The following FRMD4B variants were observed in gnomAD, a reference collection of about 807,000 sequenced individuals.
The protein encoded by FRMD4B is FERM domain-containing protein 4B.
FRMD4B carries 74 observed loss-of-function variants against 141.5 expected under a neutral mutation model. The observed-to-expected ratio is 0.52, with a 90% CI of 0.43 to 0.63. The LOEUF (loss-of-function observed/expected upper bound fraction) is 0.63. Among genes scored for constraint, FRMD4B ranks in the 30% least tolerant of loss-of-function variants. FRMD4B has a pLI of 0.00. For missense variants in FRMD4B, 1,366 were observed against 1,253.4 expected, an observed-to-expected ratio of 1.09 and a Z score of -1.36; for synonymous variants, 506 against 467.9, an observed-to-expected ratio of 1.08 and a Z score of -1.05.
chr3:69,297,685 T>C (rs1281540571), intron 4 of FRMD4B, among the ~76,000 whole-genome samples: 3 of 152,126 alleles, frequency 2.0e-5, no homozygotes, highest in Non-Finnish European at 4.4e-5. Flanking sequence ...GCCTTTCAAA[T>C]GTTCACATCT....
At chr3:69,312,788 T>C (rs1309816210) in intron 2 of FRMD4B, among the ~76,000 whole-genome samples, 1 of 152,020 alleles carries the variant, frequency 6.6e-6, no homozygotes, top group African/African-American at 2.4e-5. Context: ...ACTCAAGAGG[T>C]TGAGTCAGGA....
At chr3:69,436,058 C>A (rs137955187) in intron 1 of FRMD4B, among the ~76,000 whole-genome samples, 2 of 152,202 alleles carry the variant, frequency 1.3e-5, no homozygotes, top group East Asian at 3.9e-4. Context: ...ATTCAGTTAC[C>A]ACCTCCTACT....
At chr3:69,371,581 G>A (rs1484275519) in intron 1 of FRMD4B, among the ~76,000 whole-genome samples, 3 of 152,202 alleles carry the variant, frequency 2.0e-5, no homozygotes, top group Admixed American at 6.5e-5. Flanking sequence ...CAGTTAGGAA[G>A]CTATTGCAAC....
At chr3:69,249,329 C>T in intron 6 of FRMD4B, 81 bp from the exon 7 acceptor site, 2 of 917,414 alleles carry the variant, frequency 2.2e-6, no homozygotes, top group East Asian at 5.3e-5. Context: ...TTACTTTCCC[C>T]TCTTAAAGTT....
At chr3:69,354,247 T>C (rs1440864914) in intron 1 of FRMD4B, among the ~76,000 whole-genome samples, 1 of 152,146 alleles carries the variant, frequency 6.6e-6, no homozygotes, top group Non-Finnish European at 1.5e-5. Flanking sequence ...ATCATTACTA[T>C]TGAAGTCATT....
At position 69,421,004 on chromosome 3, in the gene FRMD4B, C is replaced by T. The variant is rs564667459; in HGVS notation, c.-1+11630G>A. 1.8e-3 allele frequency among the ~76,000 whole-genome samples: 275 copies of T among 152,344 alleles called. 2 individuals are homozygous for T. The highest frequency in any genetic ancestry group is 4.1e-3 in the East Asian group (21 of 5,170). ...AAAGTTCAGGCCTCCCTCCCTCCCA[C>T]GCCCTCACTCCCCATTGTGGCTCAC... On this transcript the variant is annotated intron_variant, in intron 2 of 5. Transcript: ENST00000459638.
chr3:69,398,895 C>A (rs538281286), intron 2 of FRMD4B, among the ~76,000 whole-genome samples: 1 of 152,066 alleles, frequency 6.6e-6, no homozygotes, highest in Non-Finnish European at 1.5e-5. Context: ...CAAACATATA[C>A]TGCATACTGT....
chr3:69,303,546 C>G (rs537247616), intron 3 of FRMD4B, among the ~76,000 whole-genome samples: 30 of 152,104 alleles, frequency 2.0e-4, no homozygotes, highest in African/African-American at 7.2e-4. Context: ...AGGTAAAAAA[C>G]TAGGCCATAT....
chr3:69,536,415 A>T, intron 1 of FRMD4B: 1 of 713,970 alleles, frequency 1.4e-6, no homozygotes, highest in East Asian at 2.7e-5. Context: ...GCTTCAGCAG[A>T]TACCTGAAGC....
In FRMD4B at chr3:69,255,780, G is replaced by A. The variant is rs190939800; in HGVS notation, c.502-5681C>T. Among the ~76,000 whole-genome samples the A allele has an allele frequency of 8.3e-4, 127 of 152,242 alleles. 1 individual carries two copies. Among genetic ancestry groups the A allele is most frequent in the Admixed American group, 1.6e-3 (25 of 15,288 alleles). ...TCTGAATTAGACCAAAGGGAAGAAA[G>A]TTCTCTCTCTCTTTCTCTGGGGGCA... On this transcript the variant is annotated intron_variant, in intron 5 of 22. Coordinates refer to ENST00000398540, the MANE Select transcript of FRMD4B (RefSeq NM_015123.3).
At chr3:69,532,950 A>T (rs991033042) in intron 1 of FRMD4B, among the ~76,000 whole-genome samples, 8 of 152,232 alleles carry the variant, frequency 5.3e-5, no homozygotes, top group African/African-American at 1.9e-4. Context: ...CTGTGGCAAG[A>T]GCATAATTAT....
intron 5 of FRMD4B, among the ~76,000 whole-genome samples, chr3:69,271,054 TTA>T (rs1360128225): frequency 6.6e-6 from 1 of 152,220 alleles, no homozygotes; most frequent in Non-Finnish European, 1.5e-5. Flanking sequence ...CGTAGTATTT[TTA>T]TATGACTTTT....
intron 5 of FRMD4B, among the ~76,000 whole-genome samples, chr3:69,274,471 A>G (rs762568671): frequency 1.3e-5 from 2 of 152,088 alleles, no homozygotes; most frequent in Non-Finnish European, 2.9e-5. Flanking sequence ...TTCACATTCT[A>G]AAATGTTTCC....
chr3:69,269,895 C>T (rs2093586479), intron 5 of FRMD4B, among the ~76,000 whole-genome samples: 1 of 152,274 alleles, frequency 6.6e-6, no homozygotes, highest in East Asian at 1.9e-4. Context: ...GCTGGGATTA[C>T]AGGCGTGAAC....
chr3:69,391,829 T>C (rs1843051), intron 2 of FRMD4B, among the ~76,000 whole-genome samples: 102,535 of 152,040 alleles, frequency 0.67, 34,685 homozygotes, highest in East Asian at 0.7. Context: ...GGAAGGCATT[T>C]AGTGACCTTG....
chr3:69,534,307 A>C (rs1159165411), intron 1 of FRMD4B, among the ~76,000 whole-genome samples: 2 of 152,220 alleles, frequency 1.3e-5, no homozygotes, highest in Non-Finnish European at 2.9e-5. Flanking sequence ...GGGAGAAAGG[A>C]ATATAATCTT....
At chr3:69,322,636 G>C (rs1702048050) in intron 1 of FRMD4B, among the ~76,000 whole-genome samples, 1 of 122,412 alleles carries the variant, frequency 8.2e-6, no homozygotes, top group African/African-American at 3.3e-5. Context: ...TTGCTCTGTT[G>C]CCCAGGCTGG....
At chr3:69,388,151 A>G (rs959386462), upstream of FRMD4B, among the ~76,000 whole-genome samples, 8 of 152,142 alleles carry the variant, frequency 5.3e-5, no homozygotes, top group African/African-American at 1.7e-4. Flanking sequence ...AGGGAATACC[A>G]GAATAAAACC....
chr3:69,333,110 C>T (rs1020271034), intron 1 of FRMD4B, among the ~76,000 whole-genome samples: 3 of 152,090 alleles, frequency 2.0e-5, no homozygotes, highest in Non-Finnish European at 4.4e-5. Flanking sequence ...AGTGCTCCAT[C>T]GTTATGGTCT....
Sources: gnomAD v4.1 joint callset for allele counts (sites outside exome capture counted in the v4.1 genomes callset) on GRCh38, gnomAD v4.1.1 for gene constraint, MANE v1.5 for transcripts, NCBI Gene and HGNC (gene_info 2026-07-23, HGNC 2026-07-21) for gene names.